Variants in CPLANE2 observed in about 807,000 individuals in gnomAD.
The protein encoded by CPLANE2 is ciliogenesis and planar polarity effector complex subunit 2, also known as ciliogenesis and planar polarity effector 2.
CPLANE2 carries 24 observed loss-of-function variants against 20.9 expected under a neutral mutation model. That is an observed-to-expected ratio of 1.15 (90% CI 0.83 to 1.61). The LOEUF (loss-of-function observed/expected upper bound fraction) is 1.61. CPLANE2 is among the 40% of genes most tolerant of loss of function. CPLANE2 has a pLI of 0.00. For synonymous variants in CPLANE2, 132 were observed against 144.3 expected (o/e 0.92, Z 0.61); for missense variants, 330 against 355.1 (o/e 0.93, Z 0.57).
intron 1 of CPLANE2, among the ~76,000 whole-genome samples, chr1:16,235,199 TA>T (rs1176318328): frequency 1.3e-5 from 2 of 151,476 alleles, no homozygotes; most frequent in Non-Finnish European, 2.9e-5. Flanking sequence ...ACCCAGCTGT[TA>T]AAAAAAAACC....
Position 16,231,862 on chromosome 1 carries a change from C to T in CPLANE2, c.*186G>A. On this transcript the variant is annotated 3_prime_UTR_variant, in exon 5 of 5. Coordinates refer to ENST00000375599, the MANE Select transcript of CPLANE2 (RefSeq NM_030907.4). ...GATGTTCGAGCTCAGGGCCTTGGTC[C>T]CCACCTCCCTGCCATGAATTCTGCA... 3.6e-6 allele frequency: 3 copies of T among 831,298 alleles called. No homozygotes were observed. Among genetic ancestry groups the T allele is most frequent in the South Asian group, 3.7e-5 (2 of 53,990 alleles). The allele number at this position is 831,298 out of a possible 1,614,324, so 51.5% of individuals were successfully genotyped here.
chr1:16,234,653 C>A (rs202057031), intron 1 of CPLANE2, among the ~76,000 whole-genome samples: 1 of 152,162 alleles, frequency 6.6e-6, no homozygotes, highest in East Asian at 1.9e-4. Flanking sequence ...GCTGGGACTA[C>A]AAGGCATGAG....
intron 4 of CPLANE2, 55 bp downstream of exon 4, chr1:16,232,455 G>A: frequency 6.3e-7 from 1 of 1,599,348 alleles, no homozygotes; most frequent in Non-Finnish European, 8.5e-7. Context: ...CCTGGGCAGA[G>A]GCTGGGCCCC....
chr1:16,231,966 G>A lies in CPLANE2; in HGVS notation c.*82C>T. Reference sequence around the variant, plus strand: ...GCCATGCTGGCCAGTCCTCCAGATAGGATCCATGTTCCTGCCCCAGCCTCC... The same window carrying A: ...GCCATGCTGGCCAGTCCTCCAGATAAGATCCATGTTCCTGCCCCAGCCTCC... On this transcript the variant is annotated 3_prime_UTR_variant, in exon 5 of 5. Coordinates refer to ENST00000375599, the MANE Select transcript of CPLANE2 (RefSeq NM_030907.4). 6.5e-7 allele frequency: 1 copy of A among 1,540,322 alleles called. No homozygotes were observed. The highest frequency in any genetic ancestry group is 8.8e-7 in the Non-Finnish European group (1 of 1,138,406).
intron 1 of CPLANE2, 38 bp downstream of exon 1, chr1:16,236,593 G>GT (rs983899834): frequency 6.8e-7 from 1 of 1,473,180 alleles, no homozygotes; most frequent in Non-Finnish European, 9.3e-7. Flanking sequence ...CCCAGGGAAA[G>GT]ACAAGTGGCG....
intron 1 of CPLANE2, 44 bp downstream of exon 1, chr1:16,236,587 G>A (rs2081466987): frequency 1.4e-6 from 2 of 1,451,166 alleles, no homozygotes; most frequent in Admixed American, 2.0e-5. Flanking sequence ...CTTCTCCCCA[G>A]GGAAAGACAA....
At chr1:16,232,718 TC>T in intron 3 of CPLANE2, 72 bp from the exon 4 acceptor site, 1 of 1,593,466 alleles carries the variant, frequency 6.3e-7, no homozygotes, top group Non-Finnish European at 8.6e-7. Flanking sequence ...TCAGGAATAA[TC>T]CCTCCTTTCA....
chr1:16,235,677 CTTTTTTTTTTT>C (rs34360746), intron 1 of CPLANE2, among the ~76,000 whole-genome samples: 1 of 117,288 alleles, frequency 8.5e-6, no homozygotes, highest in African/African-American at 3.5e-5. Context: ...ATTAGAGGGT[CTTTTTTTTTTT>C]TTTTTTTTTG....
At position 16,235,857 on chromosome 1, in the gene CPLANE2, T is replaced by G. The variant is rs574446667; in HGVS notation, c.112+774A>C. Among the ~76,000 whole-genome samples, 63 of 152,094 alleles carry G rather than the reference T, an allele frequency of 4.1e-4. 1 individual carries two copies. Among genetic ancestry groups the G allele is most frequent in the Admixed American group, 1.3e-4 (2 of 15,282 alleles). The stretch of plus-strand genomic sequence containing the variant: ...CACCACGTCCGGCTAATTTTTGTAT[T>G]TTTAGTAAAGATGGGGTTTCGCCAT... On this transcript the variant is annotated intron_variant, in intron 1 of 4. Coordinates refer to ENST00000375599, the MANE Select transcript of CPLANE2 (RefSeq NM_030907.4).
In CPLANE2 at chr1:16,231,824, A is replaced by C. The variant is rs1049335731; in HGVS notation, c.*224T>G. On this transcript the variant is annotated 3_prime_UTR_variant, in exon 5 of 5. Coordinates refer to ENST00000375599, the MANE Select transcript of CPLANE2 (RefSeq NM_030907.4). Reference sequence around the variant, plus strand: ...CCTCCATCGGTGCTGCCAAAGGGGGAAAGGCCACGGGAGATGTTCGAGCTC... The same window carrying C: ...CCTCCATCGGTGCTGCCAAAGGGGGCAAGGCCACGGGAGATGTTCGAGCTC... 3.3e-6 allele frequency: 2 copies of C among 610,502 alleles called. No homozygotes were observed. Among genetic ancestry groups the C allele is most frequent in the East Asian group, 2.8e-5 (1 of 35,466 alleles). The allele number at this position is 610,502 out of a possible 1,614,324, so 37.8% of individuals were successfully genotyped here.
At chr1:16,235,308 T>C (rs971357037) in intron 1 of CPLANE2, among the ~76,000 whole-genome samples, 32 of 152,320 alleles carry the variant, frequency 2.1e-4, no homozygotes, top group Middle Eastern at 3.4e-3. Context: ...GCATAGATAA[T>C]ATGGTCAGTG....
At chr1:16,236,116 T>G (rs916179685) in intron 1 of CPLANE2, among the ~76,000 whole-genome samples, 1 of 152,268 alleles carries the variant, frequency 6.6e-6, no homozygotes, top group African/African-American at 2.4e-5. Flanking sequence ...TGGCCAGAGC[T>G]GGGCTCCACA....
chr1:16,234,126 G>A (rs1186334444), intron 1 of CPLANE2, among the ~76,000 whole-genome samples: 3 of 152,144 alleles, frequency 2.0e-5, no homozygotes, highest in South Asian at 2.1e-4. Flanking sequence ...GAGGCCTGGT[G>A]CGGTGGCTTA....
chr1:16,232,882 T>A lies in CPLANE2; in HGVS notation c.390+11A>T. On this transcript the variant is annotated intron_variant, in intron 3 of 4. Coordinates refer to ENST00000375599, the MANE Select transcript of CPLANE2 (RefSeq NM_030907.4). ...CTGGCAGAACCCACCCAGGCCCACA[T>A]GCCTGCTCACCAGCAGCATATGATC... 1 of 1,614,086 alleles carries A rather than the reference T, an allele frequency of 6.2e-7. No individual in the cohort carries two copies. Among genetic ancestry groups the A allele is most frequent in the Non-Finnish European group, 8.5e-7 (1 of 1,179,954 alleles).
At position 16,236,826 on chromosome 1, in the gene CPLANE2, C is replaced by A; in HGVS notation, c.-84G>T. 9.6e-7 allele frequency: 1 copy of A among 1,037,634 alleles called. No homozygotes were observed. The highest frequency in any genetic ancestry group is 1.4e-5 in the South Asian group (1 of 73,408). 64.3% of individuals were successfully genotyped at this position (1,037,634 alleles called of 1,614,324 possible). ...GGGGAGTGACAGTACCAAGCCGGGC[C>A]TGTGATCCCTCTTAACTGCCCTCTG... On this transcript the variant is annotated 5_prime_UTR_variant, in exon 1 of 5. It adds an upstream start codon to the 5' untranslated region. Transcript: ENST00000375599.
chr1:16,231,902 C>T lies in CPLANE2; in HGVS notation c.*146G>A, dbSNP rs751287184. ...TGAATTCTGCAAGGAAAGCGCTGCT[C>T]GCGGGTGGGCCTTCTCTGGCCACAT... On this transcript the variant is annotated 3_prime_UTR_variant, in exon 5 of 5. Coordinates refer to ENST00000375599, the MANE Select transcript of CPLANE2 (RefSeq NM_030907.4). 1.8e-4 allele frequency: 213 copies of T among 1,180,898 alleles called. No individual in the cohort carries two copies. Among genetic ancestry groups the T allele is most frequent in the Non-Finnish European group, 2.2e-4 (188 of 844,874 alleles). The allele number at this position is 1,180,898 out of a possible 1,614,324, so 73.2% of individuals were successfully genotyped here.
chr1:16,233,603 C>T lies in CPLANE2; in HGVS notation c.265+9G>A. 6.2e-7 allele frequency: 1 copy of T among 1,613,846 alleles called. No individual in the cohort carries two copies. Among genetic ancestry groups the T allele is most frequent in the Non-Finnish European group, 8.5e-7 (1 of 1,179,948 alleles). On this transcript the variant is annotated intron_variant, in intron 2 of 4. Coordinates refer to ENST00000375599, the MANE Select transcript of CPLANE2 (RefSeq NM_030907.4). ...CCCAGGATGGGCAAAGGATAGAGGT[C>T]CCACTCACCGGTGGTCTCGTGGTGC...
chr1:16,233,562 C>T (rs1471700831), intron 2 of CPLANE2, 50 bp downstream of exon 2: 2 of 1,604,178 alleles, frequency 1.2e-6, no homozygotes, highest in African/African-American at 2.7e-5. Context: ...CTTGCCTCCA[C>T]CCCCAAGGAG....
rs2081434122 is a variant in CPLANE2 at position 16,232,887 on chromosome 1, G to A, written c.390+6C>T. On this transcript the variant is annotated splice_donor_region_variant and intron_variant, in intron 3 of 4. Transcript: ENST00000375599. ...AGAACCCACCCAGGCCCACATGCCTGCTCACCAGCAGCATATGATCGAACT... is the reference window on the plus strand; with the variant it reads ...AGAACCCACCCAGGCCCACATGCCTACTCACCAGCAGCATATGATCGAACT... 2 of 1,613,932 alleles carry A rather than the reference G, an allele frequency of 1.2e-6. No homozygotes were observed. Among genetic ancestry groups the A allele is most frequent in the African/African-American group, 2.7e-5 (2 of 74,926 alleles).
Sources: gnomAD v4.1 joint callset for allele counts (sites outside exome capture counted in the v4.1 genomes callset) on GRCh38, gnomAD v4.1.1 for gene constraint, MANE v1.5 for transcripts, NCBI Gene and HGNC (gene_info 2026-07-23, HGNC 2026-07-21) for gene names.